ASB4: variants seen among roughly 807,000 people sequenced by gnomAD.
ASB4 encodes the protein ankyrin repeat and SOCS box protein 4.
A neutral mutation model predicts 38.6 loss-of-function variants in ASB4; 35 were observed. The observed-to-expected ratio is 0.91, with a 90% CI of 0.69 to 1.20. The LOEUF (loss-of-function observed/expected upper bound fraction) is 1.20. Ranked by LOEUF, ASB4 falls within the 50% of genes most tolerant of loss-of-function variation. The pLI, the probability that ASB4 is intolerant of heterozygous loss-of-function variation, is 0.00. For synonymous variants in ASB4, 195 were observed against 201.3 expected (o/e 0.97, Z 0.26); for missense variants, 557 against 527.2 (o/e 1.06, Z -0.55).
At chr7:95,498,765 T>A (rs1017407645) in intron 2 of ASB4, among the ~76,000 whole-genome samples, 10 of 152,126 alleles carry the variant, frequency 6.6e-5, no homozygotes, top group African/African-American at 2.4e-4. Context: ...TTTCTAGAGG[T>A]TTTGTCATTT....
In ASB4 at chr7:95,504,219, A is replaced by T. The variant is rs1481608342; in HGVS notation, c.487+8162A>T. Among the ~76,000 whole-genome samples the T allele has an allele frequency of 2.0e-5, 3 of 152,292 alleles. No homozygotes were observed. In the South Asian group the frequency reaches 6.2e-4, roughly 32 times the overall value. On this transcript the variant is annotated intron_variant, in intron 2 of 4. Transcript: ENST00000325885. ...AGCAAATCCTGACAGTAGGAGGAAA[A>T]TTTGTTACTGCAGGAAAGCCATAAA...
intron 2 of ASB4, among the ~76,000 whole-genome samples, chr7:95,524,602 T>G (rs1790711822): frequency 6.6e-6 from 1 of 152,152 alleles, no homozygotes; most frequent in Admixed American, 6.5e-5. Context: ...CAAAGATACG[T>G]TCAAGTTCCA....
At position 95,528,482 on chromosome 7, in the gene ASB4, G is replaced by A. The variant is rs1584093027; in HGVS notation, c.978+179G>A. The A allele has an allele frequency of 3.5e-6, 5 of 1,437,784 alleles. No homozygotes were observed. In the East Asian group the frequency reaches 1.2e-4, roughly 35 times the overall value. The allele number at this position is 1,437,784 out of a possible 1,614,324, so 89.1% of individuals were successfully genotyped here. A position where few individuals can be genotyped will look rare whatever the true frequency, so the allele number is the denominator to read the frequency against. On this transcript the variant is annotated intron_variant, in intron 3 of 4. Transcript: ENST00000325885. ...GTCTCCTCATCTCATCCTAGTCTAG[G>A]TTTGCTTGAAATTGGGTGTGAGAGC...
chr7:95,494,880 A>G (rs1051073032), intron 1 of ASB4, among the ~76,000 whole-genome samples: 1 of 152,220 alleles, frequency 6.6e-6, no homozygotes, highest in African/African-American at 2.4e-5. Flanking sequence ...GGGAAAAATT[A>G]TTGAAGATCT....
chr7:95,491,513 A>G (rs1790170974), intron 1 of ASB4, among the ~76,000 whole-genome samples: 1 of 152,226 alleles, frequency 6.6e-6, no homozygotes, highest in Non-Finnish European at 1.5e-5. Flanking sequence ...TTTGAAAGAC[A>G]AATACTAGGA....
intron 2 of ASB4, among the ~76,000 whole-genome samples, chr7:95,527,232 G>A (rs1790750750): frequency 6.6e-6 from 1 of 152,004 alleles, no homozygotes; most frequent in South Asian, 2.1e-4. Flanking sequence ...TGGTGGTGGT[G>A]GTGCTGCGTT....
At chr7:95,484,738 C>A (rs1790061139), upstream of ASB4, among the ~76,000 whole-genome samples, 1 of 151,996 alleles carries the variant, frequency 6.6e-6, no homozygotes, top group African/African-American at 2.4e-5. Flanking sequence ...TTTGCATTCT[C>A]TTTAGAACTT....
chr7:95,503,933 T>C (rs931267557), intron 2 of ASB4, among the ~76,000 whole-genome samples: 4 of 152,170 alleles, frequency 2.6e-5, no homozygotes, highest in Non-Finnish European at 5.9e-5. Context: ...CCATGCTGGA[T>C]TTTGTCTGTT....
At chr7:95,517,136 G>T (rs531611463) in intron 2 of ASB4, among the ~76,000 whole-genome samples, 1 of 152,222 alleles carries the variant, frequency 6.6e-6, no homozygotes, top group East Asian at 1.9e-4. Context: ...TGGGTTATTT[G>T]GCTTTTTCTA....
At chr7:95,509,152 T>C (rs1339511552) in intron 2 of ASB4, among the ~76,000 whole-genome samples, 1 of 152,068 alleles carries the variant, frequency 6.6e-6, no homozygotes, top group Non-Finnish European at 1.5e-5. Flanking sequence ...GGTGCTAAAA[T>C]CTTAAGAAAC....
chr7:95,477,567 C>T (rs1365136477), upstream of ASB4, among the ~76,000 whole-genome samples: 1 of 152,118 alleles, frequency 6.6e-6, no homozygotes, highest in Non-Finnish European at 1.5e-5. Context: ...TAGAAAACTA[C>T]AGAAAGGCAG....
chr7:95,528,590 T>C, intron 3 of ASB4: 1 of 1,378,224 alleles, frequency 7.3e-7, no homozygotes, highest in East Asian at 2.6e-5. Flanking sequence ...GGGACTGAGG[T>C]AAGTCTGCCA....
At chr7:95,532,552 A>G (rs1790833825) in intron 3 of ASB4, among the ~76,000 whole-genome samples, 1 of 152,272 alleles carries the variant, frequency 6.6e-6, no homozygotes, top group African/African-American at 2.4e-5. Context: ...CCATTGAACA[A>G]TGCTGTATAT....
intron 2 of ASB4, among the ~76,000 whole-genome samples, chr7:95,498,816 T>G (rs1020914555): frequency 2.0e-5 from 3 of 152,154 alleles, no homozygotes; most frequent in African/African-American, 7.2e-5. Context: ...TTGAGTTAAT[T>G]TTTTTATATG....
chr7:95,519,846 T>C (rs1212838475), intron 2 of ASB4, among the ~76,000 whole-genome samples: 1 of 152,168 alleles, frequency 6.6e-6, no homozygotes, highest in Non-Finnish European at 1.5e-5. Context: ...AGGGGATTTT[T>C]TTTTTCATTG....
intron 2 of ASB4, among the ~76,000 whole-genome samples, chr7:95,515,928 C>T (rs1790578192): frequency 6.6e-6 from 1 of 152,170 alleles, no homozygotes; most frequent in African/African-American, 2.4e-5. Context: ...TAACCCAAAG[C>T]CCCATTGGTA....
intron 3 of ASB4, among the ~76,000 whole-genome samples, chr7:95,534,503 A>G (rs1334027886): frequency 6.6e-6 from 1 of 151,654 alleles, no homozygotes; most frequent in Non-Finnish European, 1.5e-5. Flanking sequence ...TAAGCCCTAT[A>G]CTTGTTTCTT....
At chr7:95,493,384 GTGTGTGTA>G (rs149492426) in intron 1 of ASB4, among the ~76,000 whole-genome samples, 47,176 of 126,846 alleles carry the variant, frequency 0.37, 7,607 homozygotes, top group Middle Eastern at 0.48. Context: ...GTGTGTGTGT[GTGTGTGTA>G]TGTGTGTGTG....
At chr7:95,479,374 C>G (rs1041889512) in intron 1 of ASB4, among the ~76,000 whole-genome samples, 1 of 152,154 alleles carries the variant, frequency 6.6e-6, no homozygotes. Context: ...CGTTTATATA[C>G]GTTGTTTCAT....
Sources: allele counts gnomAD v4.1 joint callset (sites outside exome capture counted in the v4.1 genomes callset), GRCh38; gene constraint gnomAD v4.1.1; transcripts MANE v1.5; gene names NCBI Gene and HGNC (gene_info 2026-07-23, HGNC 2026-07-21).